Variants in RHOBTB1 observed in about 807,000 individuals in gnomAD.
RHOBTB1 encodes rho-related BTB domain-containing protein 1.
RHOBTB1 carries 40 observed loss-of-function variants against 71.6 expected under a neutral mutation model. That is an observed-to-expected ratio of 0.56 (90% confidence interval 0.43 to 0.73). RHOBTB1 has a LOEUF of 0.73. Ranked by LOEUF, RHOBTB1 falls within the 30% of genes least tolerant of loss-of-function variation. RHOBTB1 has a pLI of 0.00. For missense variants in RHOBTB1, 797 were observed against 894.0 expected (o/e 0.89, Z 1.38); for synonymous variants, 319 against 334.9 (o/e 0.95, Z 0.52).
chr10:60,959,945 C>T (rs1487670455), intron 2 of RHOBTB1, among the ~76,000 whole-genome samples: 2 of 152,114 alleles, frequency 1.3e-5, no homozygotes, highest in Admixed American at 1.3e-4. Context: ...ACAATAAAGG[C>T]AGATGTATTA....
At chr10:60,910,482 C>A (rs1297492293) in intron 4 of RHOBTB1, among the ~76,000 whole-genome samples, 1 of 152,118 alleles carries the variant, frequency 6.6e-6, no homozygotes, top group Non-Finnish European at 1.5e-5. Context: ...TTAGACTCTG[C>A]CAATATGGTC....
At chr10:60,895,459 C>A (rs774775944) in intron 4 of RHOBTB1, among the ~76,000 whole-genome samples, 48 of 152,144 alleles carry the variant, frequency 3.2e-4, no homozygotes, top group Non-Finnish European at 4.1e-4. Context: ...GGCTGGAGTG[C>A]ACTGGCATGA....
chr10:60,900,146 G>C (rs965161847), intron 4 of RHOBTB1, among the ~76,000 whole-genome samples: 2 of 152,174 alleles, frequency 1.3e-5, no homozygotes, highest in Non-Finnish European at 2.9e-5. Flanking sequence ...ATTTATGTTT[G>C]AACAGTGTCA....
At chr10:60,907,727 G>A (rs1250041860) in intron 4 of RHOBTB1, among the ~76,000 whole-genome samples, 2 of 152,116 alleles carry the variant, frequency 1.3e-5, no homozygotes, top group Admixed American at 1.3e-4. Context: ...ATCTCTTCTA[G>A]TTCCAATCTT....
rs149871225 is a variant in RHOBTB1, at chr10:60,963,340, T to C, written c.-61-21486A>G. Among the ~76,000 whole-genome samples the C allele has an allele frequency of 1.1e-4, 16 of 152,300 alleles. No homozygotes were observed. The East Asian group carries it at 2.9e-3, about 28-fold the overall frequency. ...CCCAATTTCAGACGATGAAAGTGAA[T>C]TTAATCAGCAAATATTCTGACTACA... On this transcript the variant is annotated intron_variant, in intron 2 of 11. Transcript: ENST00000357917.
chr10:60,898,592 G>A (rs1039341267), intron 4 of RHOBTB1, among the ~76,000 whole-genome samples: 11 of 152,122 alleles, frequency 7.2e-5, no homozygotes, highest in Non-Finnish European at 1.5e-4. Flanking sequence ...GTAGGGGAGC[G>A]CCTGGCAGGG....
At position 60,904,192 on chromosome 10, in the gene RHOBTB1, C is replaced by T. The variant is rs894713303; in HGVS notation, c.296+6695G>A. Among the ~76,000 whole-genome samples the T allele has an allele frequency of 8.5e-5, 13 of 152,298 alleles. No homozygotes were observed. The South Asian group carries it at 2.7e-3, about 32-fold the overall frequency. On this transcript the variant is annotated intron_variant, in intron 4 of 10. Coordinates refer to ENST00000337910, the MANE Select transcript of RHOBTB1 (RefSeq NM_014836.5). The stretch of plus-strand genomic sequence containing the variant: ...AAACACCTGGCCTCAAGTGATCCAC[C>T]TGCCTCAGCCTCCCAGAGTGCTGGG...
At chr10:60,909,183 A>G (rs1198493527) in intron 4 of RHOBTB1, among the ~76,000 whole-genome samples, 1 of 151,840 alleles carries the variant, frequency 6.6e-6, no homozygotes, top group Non-Finnish European at 1.5e-5. Context: ...CCATCGTGCC[A>G]TTAAATAAAT....
At chr10:60,953,008 T>G (rs1303902771) in intron 2 of RHOBTB1, among the ~76,000 whole-genome samples, 2 of 152,104 alleles carry the variant, frequency 1.3e-5, no homozygotes, top group African/African-American at 4.8e-5. Context: ...CAAATTAAAC[T>G]ATTGCTCCAC....
At chr10:60,982,356 G>A (rs1372179886) in intron 2 of RHOBTB1, among the ~76,000 whole-genome samples, 3 of 152,170 alleles carry the variant, frequency 2.0e-5, no homozygotes. Flanking sequence ...GTGATGTGGA[G>A]TTCCTTCTCA....
In RHOBTB1 at chr10:60,962,770, G is replaced by A. The variant is rs201420081; in HGVS notation, c.-61-20916C>T. ...TAGAAATAGTTTTTTAAAATGTTCT[G>A]ATTTCTGGTCCCATCGTAACAATTT... On this transcript the variant is annotated intron_variant, in intron 2 of 11. Coordinates refer to the RHOBTB1 transcript ENST00000357917. Among the ~76,000 whole-genome samples the A allele has an allele frequency of 3.7e-4, 56 of 152,200 alleles. No homozygotes were observed. In the East Asian group the frequency reaches 9.5e-3, roughly 26 times the overall value.
chr10:60,880,711 C>T (rs1053938432), intron 7 of RHOBTB1, among the ~76,000 whole-genome samples: 16 of 152,094 alleles, frequency 1.1e-4, no homozygotes, highest in Non-Finnish European at 4.4e-5. Flanking sequence ...AGATCATCTG[C>T]AATACACAGA....
chr10:60,866,406 A>G (rs754927398), downstream of RHOBTB1, among the ~76,000 whole-genome samples: 41 of 152,214 alleles, frequency 2.7e-4, no homozygotes, highest in Non-Finnish European at 5.1e-4. Context: ...TGCACATGAA[A>G]CAACACTGTA....
At chr10:60,909,803 A>G (rs1234099035) in intron 4 of RHOBTB1, among the ~76,000 whole-genome samples, 5 of 152,210 alleles carry the variant, frequency 3.3e-5, no homozygotes, top group Non-Finnish European at 7.3e-5. Context: ...TTGCTTCCAT[A>G]ACTCTCTGAG....
intron 4 of RHOBTB1, among the ~76,000 whole-genome samples, chr10:60,906,816 A>G (rs1037747488): frequency 1.3e-5 from 2 of 152,184 alleles, no homozygotes; most frequent in African/African-American, 4.8e-5. Context: ...AAAAAAAACA[A>G]TAAAATCTGC....
At chr10:60,983,062 T>C (rs188865261) in intron 2 of RHOBTB1, among the ~76,000 whole-genome samples, 39 of 152,334 alleles carry the variant, frequency 2.6e-4, no homozygotes, top group African/African-American at 7.7e-4. Flanking sequence ...GATGGTCTAT[T>C]CTCAGTGTTC....
In RHOBTB1 at chr10:60,988,088, C is replaced by T. The variant is rs182030769; in HGVS notation, c.-162-2143G>A. Among the ~76,000 whole-genome samples the T allele has an allele frequency of 3.1e-3, 471 of 151,450 alleles. 1 individual carries two copies. The highest frequency in any genetic ancestry group is 0.027 in the Middle Eastern group (8 of 294). On this transcript the variant is annotated intron_variant, in intron 1 of 11. Coordinates refer to the RHOBTB1 transcript ENST00000357917. ...CTGGGACTACAGGCGCCCACCACCA[C>T]GCCCGGCTAATTTTTTTTTGTATTC...
chr10:60,943,232 T>C (rs1435065939), intron 1 of RHOBTB1, among the ~76,000 whole-genome samples: 1 of 152,204 alleles, frequency 6.6e-6, no homozygotes, highest in Non-Finnish European at 1.5e-5. Context: ...TTGACATCGC[T>C]CCTCAGTTGA....
At chr10:60,929,002 T>G (rs1447180102) in intron 2 of RHOBTB1, among the ~76,000 whole-genome samples, 1 of 152,148 alleles carries the variant, frequency 6.6e-6, no homozygotes, top group Non-Finnish European at 1.5e-5. Flanking sequence ...CAAGCATGTC[T>G]TCACATGGCA....
Sources: allele counts gnomAD v4.1 joint callset (sites outside exome capture counted in the v4.1 genomes callset), GRCh38; gene constraint gnomAD v4.1.1; transcripts MANE v1.5; gene names NCBI Gene and HGNC (gene_info 2026-07-23, HGNC 2026-07-21).